CTNNA2: variants seen among roughly 807,000 people sequenced by gnomAD.
The protein encoded by CTNNA2 is catenin alpha-2.
Under a neutral mutation model 101.0 loss-of-function variants are expected in CTNNA2, and 42 were observed. That is an observed-to-expected ratio of 0.42 (90% CI 0.32 to 0.54). The LOEUF is 0.54. Ranked by LOEUF, CTNNA2 falls within the 20% of genes least tolerant of loss-of-function variation. The pLI is 0.14. For missense variants in CTNNA2, 871 were observed against 1,223.1 expected, an observed-to-expected ratio of 0.71 and a Z score of 4.29; for synonymous variants, 450 against 456.4, an observed-to-expected ratio of 0.99 and a Z score of 0.18.
At chr2:79,394,833 T>A (rs1678212649) in intron 4 of CTNNA2, among the ~76,000 whole-genome samples, 1 of 152,166 alleles carries the variant, frequency 6.6e-6, no homozygotes, top group African/African-American at 2.4e-5. Context: ...AAGACCCTCA[T>A]GCCTTGTTTA....
intron 2 of CTNNA2, among the ~76,000 whole-genome samples, chr2:79,217,702 C>G (rs1043573455): frequency 6.6e-6 from 1 of 152,124 alleles, no homozygotes; most frequent in Non-Finnish European, 1.5e-5. Context: ...GCTCAGAGGC[C>G]TGACAAAAGT....
intron 7 of CTNNA2, among the ~76,000 whole-genome samples, chr2:80,347,554 C>G (rs1165837927): frequency 6.6e-6 from 1 of 152,126 alleles, no homozygotes; most frequent in Non-Finnish European, 1.5e-5. Context: ...CTCTCAGTAA[C>G]TTTTCATGGA....
intron 7 of CTNNA2, among the ~76,000 whole-genome samples, chr2:80,160,363 G>A (rs572342824): frequency 2.3e-4 from 35 of 152,152 alleles, no homozygotes; most frequent in Non-Finnish European, 3.8e-4. Flanking sequence ...GCTAGAAATC[G>A]TGTTAACCTG....
At chr2:80,271,150 A>G (rs879712886) in intron 7 of CTNNA2, among the ~76,000 whole-genome samples, 5 of 152,236 alleles carry the variant, frequency 3.3e-5, no homozygotes, top group Non-Finnish European at 5.9e-5. Context: ...ACACAAATCT[A>G]GGAAAAATAA....
chr2:79,455,648 G>A (rs1393381379), intron 4 of CTNNA2, among the ~76,000 whole-genome samples: 1 of 152,152 alleles, frequency 6.6e-6, no homozygotes, highest in Non-Finnish European at 1.5e-5. Context: ...ATAGAACTAG[G>A]TTCCTGCCAG....
chr2:79,952,931 A>T (rs1036157909), intron 7 of CTNNA2, among the ~76,000 whole-genome samples: 7 of 152,190 alleles, frequency 4.6e-5, no homozygotes, highest in African/African-American at 1.4e-4. Flanking sequence ...TGTATTATTT[A>T]TACAGCATAC....
At chr2:79,456,582 G>C (rs1044559949) in intron 4 of CTNNA2, among the ~76,000 whole-genome samples, 1 of 152,094 alleles carries the variant, frequency 6.6e-6, no homozygotes, top group Non-Finnish European at 1.5e-5. Context: ...ATCTCTCCAA[G>C]ACAAATTGAC....
In CTNNA2 at chr2:79,668,199, C is replaced by T. The variant is rs1682565777; in HGVS notation, c.102+16541C>T. Among the ~76,000 whole-genome samples, 3 of 140,422 alleles carry T rather than the reference C, an allele frequency of 2.1e-5. No homozygotes were observed. In the South Asian group the frequency reaches 7.5e-4, roughly 35 times the overall value. 92.1% of individuals were successfully genotyped at this position (140,422 alleles called of 152,430 possible). On this transcript the variant is annotated intron_variant, in intron 2 of 18. Coordinates refer to ENST00000402739, the MANE Select transcript of CTNNA2 (RefSeq NM_001282597.3). ...AGCTTGCAGTGAGCCGAGATTGCGC[C>T]ACTGCAGTCCGCAGTCCGACCTGGG...
In CTNNA2 at chr2:80,397,348, C is replaced by T. The variant is rs1287106495; in HGVS notation, c.1137+4057C>T. Among the ~76,000 whole-genome samples the T allele has an allele frequency of 2.6e-5, 4 of 152,278 alleles. No individual in the cohort carries two copies. In the South Asian group the frequency reaches 6.2e-4, roughly 24 times the overall value. ...ACACACTAGCTCTAAAAGATTGTCACCATGCTCATTTTACAGATGAGGATG... is the reference window on the plus strand; with the variant it reads ...ACACACTAGCTCTAAAAGATTGTCATCATGCTCATTTTACAGATGAGGATG... On this transcript the variant is annotated intron_variant, in intron 8 of 18. Coordinates refer to ENST00000402739, the MANE Select transcript of CTNNA2 (RefSeq NM_001282597.3).
intron 1 of CTNNA2, among the ~76,000 whole-genome samples, chr2:79,638,776 T>C (rs1437360685): frequency 3.3e-5 from 5 of 152,076 alleles, no homozygotes; most frequent in Non-Finnish European, 7.4e-5. Context: ...AAATAAAATA[T>C]AATAATTCAC....
intron 7 of CTNNA2, among the ~76,000 whole-genome samples, chr2:80,293,515 A>C (rs533342574): frequency 6.6e-6 from 1 of 152,236 alleles, no homozygotes; most frequent in South Asian, 2.1e-4. Flanking sequence ...CTGTTGACTA[A>C]TCTGCTCTTG....
chr2:79,987,131 A>T (rs1691825310), intron 7 of CTNNA2, among the ~76,000 whole-genome samples: 2 of 152,084 alleles, frequency 1.3e-5, no homozygotes, highest in Admixed American at 6.6e-5. Flanking sequence ...ATTCAAGTCC[A>T]CAATTCTCCA....
In CTNNA2 at chr2:80,303,757, G is replaced by A; in HGVS notation, c.1057-89454G>A. 6.3e-7 allele frequency: 1 copy of A among 1,581,532 alleles called. No homozygotes were observed. The highest frequency in any genetic ancestry group is 8.6e-7 in the Non-Finnish European group (1 of 1,164,496). Reference sequence around the variant, plus strand: ...GAAAGCAGGCCCCCAGCAGACACAAGACCACCCCCGAGGGCCTCCTCAGCA... The same window carrying A: ...GAAAGCAGGCCCCCAGCAGACACAAAACCACCCCCGAGGGCCTCCTCAGCA... On this transcript the variant is annotated intron_variant, in intron 7 of 18. Transcript: ENST00000402739. The surrounding 1 kb of genome is among the most constrained non-coding windows in gnomAD (Gnocchi z 7.7).
chr2:80,516,135 C>T (rs1056343689), intron 9 of CTNNA2, among the ~76,000 whole-genome samples: 1 of 152,152 alleles, frequency 6.6e-6, no homozygotes, highest in African/African-American at 2.4e-5. Context: ...AGCTTAACAT[C>T]TCTGGGGCAG....
intron 8 of CTNNA2, among the ~76,000 whole-genome samples, chr2:80,398,324 A>G (rs1046776537): frequency 6.6e-6 from 1 of 152,184 alleles, no homozygotes; most frequent in Non-Finnish European, 1.5e-5. Context: ...GTTTTTCTTC[A>G]TAAGGATATG....
intron 4 of CTNNA2, among the ~76,000 whole-genome samples, chr2:79,465,510 T>C (rs1372590802): frequency 6.6e-6 from 1 of 152,198 alleles, no homozygotes; most frequent in Non-Finnish European, 1.5e-5. Flanking sequence ...TTTTTCCAAT[T>C]CTGTGAAGAA....
intron 3 of CTNNA2, among the ~76,000 whole-genome samples, chr2:79,790,987 C>G (rs768462854): frequency 2.0e-5 from 3 of 152,100 alleles, no homozygotes; most frequent in Admixed American, 6.6e-5. Flanking sequence ...CCTTTTGTAA[C>G]TTTATTTCCT....
At chr2:80,406,907 C>T (rs1287743234) in intron 8 of CTNNA2, among the ~76,000 whole-genome samples, 1 of 151,310 alleles carries the variant, frequency 6.6e-6, no homozygotes, top group Non-Finnish European at 1.5e-5. Flanking sequence ...GCCATAGCAA[C>T]CAGCTTGCCT....
chr2:79,611,549 G>A (rs769995559), intron 1 of CTNNA2, among the ~76,000 whole-genome samples: 3 of 152,156 alleles, frequency 2.0e-5, no homozygotes, highest in African/African-American at 4.8e-5. Context: ...TACAGTGAAC[G>A]TATCCTGAAA....
Sources: gnomAD v4.1 joint callset for allele counts (sites outside exome capture counted in the v4.1 genomes callset) on GRCh38, gnomAD v4.1.1 for gene constraint, Gnocchi (gnomAD v3.1) non-coding constraint, MANE v1.5 for transcripts, NCBI Gene and HGNC (gene_info 2026-07-23, HGNC 2026-07-21) for gene names.